Variants in MYSM1 observed in about 807,000 individuals in gnomAD.
MYSM1 encodes the protein Myb like, SWIRM and MPN domains 1.
In MYSM1, 51 loss-of-function variants were observed where a neutral mutation model predicts 116.0. The ratio of observed to expected loss-of-function variants is 0.44; its 90% CI spans 0.35 to 0.56. The LOEUF is 0.56. MYSM1 is among the 20% of genes least tolerant of loss of function. The probability of loss-of-function intolerance (pLI) is 0.00; values close to 1 mark genes in which losing one functional copy is unlikely to be tolerated. For synonymous variants in MYSM1, 313 were observed against 315.2 expected (o/e 0.99, Z 0.07); for missense variants, 900 against 974.9 (o/e 0.92, Z 1.02).
rs571503326 is a variant in MYSM1 at position 58,700,057 on chromosome 1, G to A, written c.-5C>T. 4 of 1,613,566 alleles carry A rather than the reference G, an allele frequency of 2.5e-6. No homozygotes were observed. Among genetic ancestry groups the A allele is most frequent in the East Asian group, 2.2e-5 (1 of 44,858 alleles). On this transcript the variant is annotated 5_prime_UTR_variant, in exon 1 of 20. Transcript: ENST00000472487. The stretch of plus-strand genomic sequence containing the variant: ...ATCCGCCTCTTCAGCCGCCATGATG[G>A]GACCTGACCCCGTCCGTCCTCCCGA...
intron 3 of MYSM1, among the ~76,000 whole-genome samples, chr1:58,691,422 T>C (rs1644904849): frequency 6.6e-6 from 1 of 152,242 alleles, no homozygotes; most frequent in Non-Finnish European, 1.5e-5. Context: ...AGAACAAAGA[T>C]ACTCTCATTA....
intron 12 of MYSM1, 55 bp downstream of exon 12, chr1:58,671,815 A>T: frequency 3.9e-6 from 5 of 1,282,832 alleles, no homozygotes; most frequent in Admixed American, 4.3e-5. Flanking sequence ...TTTTTCATAT[A>T]TTATCTAGCC....
chr1:58,693,131 A>G (rs1390764344), intron 2 of MYSM1, among the ~76,000 whole-genome samples, 200 bp from the exon 3 acceptor site: 2 of 152,214 alleles, frequency 1.3e-5, no homozygotes, highest in African/African-American at 4.8e-5. Flanking sequence ...CACTACTAGC[A>G]TTTTAAGTGG....
chr1:58,677,490 G>C (rs1342744304), intron 8 of MYSM1, among the ~76,000 whole-genome samples: 1 of 151,904 alleles, frequency 6.6e-6, no homozygotes, highest in Non-Finnish European at 1.5e-5. Flanking sequence ...TCAATTATCA[G>C]CTATCTTACA....
intron 8 of MYSM1, among the ~76,000 whole-genome samples, chr1:58,680,022 G>C (rs1462996517): frequency 8.8e-6 from 1 of 113,942 alleles, no homozygotes; most frequent in Non-Finnish European, 1.7e-5. Flanking sequence ...GTGAGACTCT[G>C]TCTCAAAAAA....
intron 1 of MYSM1, among the ~76,000 whole-genome samples, chr1:58,697,248 G>C (rs941146993): frequency 4.0e-5 from 5 of 123,566 alleles, no homozygotes; most frequent in Admixed American, 8.1e-5. Flanking sequence ...AGGGTACAGT[G>C]AAGAGATCTG....
In MYSM1 at chr1:58,658,885, A is replaced by G. The variant is rs1644352375; in HGVS notation, c.*1112T>C. On this transcript the variant is annotated 3_prime_UTR_variant, in exon 20 of 20. Transcript: ENST00000472487. ...AATTCTCTAGATCAAGGGTTGGAGA[A>G]TAATAGCCAACAGCCTATGTTTTAT... 1 of 145,016 alleles carries G rather than the reference A, an allele frequency of 6.9e-6. No individual in the cohort carries two copies. The highest frequency in any genetic ancestry group is 2.9e-5 in the African/African-American group (1 of 34,908). The allele number at this position is 145,016 out of a possible 1,614,324, so 9.0% of individuals were successfully genotyped here.
At chr1:58,694,840 TTTTTA>T (rs1308732945) in intron 2 of MYSM1, among the ~76,000 whole-genome samples, 1 of 152,040 alleles carries the variant, frequency 6.6e-6, no homozygotes, top group African/African-American at 2.4e-5. Context: ...ACCTACCACT[TTTTTA>T]GGTGTAAAGA....
chr1:58,670,932 G>A (rs1644550997), intron 12 of MYSM1, among the ~76,000 whole-genome samples: 1 of 152,148 alleles, frequency 6.6e-6, no homozygotes, highest in Non-Finnish European at 1.5e-5. Context: ...CACATTTAGA[G>A]TCAGAAAATC....
chr1:58,664,641 A>G (rs1644441565), intron 17 of MYSM1, among the ~76,000 whole-genome samples: 1 of 152,248 alleles, frequency 6.6e-6, no homozygotes, highest in Admixed American at 6.5e-5. Flanking sequence ...AGAGATCATT[A>G]AGAATGAAGA....
intron 5 of MYSM1, among the ~76,000 whole-genome samples, chr1:58,689,906 TGACA>T (rs1321093382): frequency 1.3e-5 from 2 of 152,208 alleles, no homozygotes; most frequent in East Asian, 3.8e-4. Context: ...GAAAATTAAC[TGACA>T]GAGTAAAAGA....
intron 16 of MYSM1, among the ~76,000 whole-genome samples, chr1:58,666,585 T>TC (rs936648951): frequency 1.1e-4 from 16 of 150,480 alleles, no homozygotes; most frequent in Non-Finnish European, 2.4e-4. Context: ...TCTTTTTTTT[T>TC]TTTTTGGCTG....
At chr1:58,688,919 G>C (rs1644865716) in intron 6 of MYSM1, 119 bp downstream of exon 6, 2 of 784,430 alleles carry the variant, frequency 2.5e-6, no homozygotes. Context: ...AGAACTAAAG[G>C]TGTTAAAACT....
At chr1:58,678,235 T>A (rs1644683316) in intron 8 of MYSM1, among the ~76,000 whole-genome samples, 1 of 152,154 alleles carries the variant, frequency 6.6e-6, no homozygotes, top group South Asian at 2.1e-4. Context: ...TAATTTGTGA[T>A]GTGGGAGGGT....
intron 17 of MYSM1, among the ~76,000 whole-genome samples, chr1:58,661,971 T>C (rs944325349): frequency 2.8e-4 from 24 of 85,016 alleles, no homozygotes; most frequent in African/African-American, 8.2e-4. Context: ...TAAGTTATTG[T>C]TTTTTTTTTA....
At chr1:58,687,293 A>T (rs1206409284) in intron 6 of MYSM1, among the ~76,000 whole-genome samples, 1 of 152,206 alleles carries the variant, frequency 6.6e-6, no homozygotes, top group Non-Finnish European at 1.5e-5. Flanking sequence ...TTATATATGG[A>T]CAAATATCTC....
chr1:58,690,091 A>G (rs373117178), intron 5 of MYSM1, 135 bp downstream of exon 5: 3 of 688,714 alleles, frequency 4.4e-6, no homozygotes, highest in Non-Finnish European at 7.0e-6. Flanking sequence ...CAACATCTTT[A>G]TTAAAAAAAC....
Position 58,661,285 on chromosome 1 carries a change from T to A in MYSM1, c.2271-58A>T, listed in dbSNP as rs79730007. The A allele has an allele frequency of 1.0e-3, 1,513 of 1,443,776 alleles. 9 individuals carry two copies. In the African/African-American group the frequency reaches 0.017, roughly 16 times the overall value. The allele number at this position is 1,443,776 out of a possible 1,614,324, so 89.4% of individuals were successfully genotyped here. A position where few individuals can be genotyped will look rare whatever the true frequency, so the allele number is the denominator to read the frequency against. On this transcript the variant is annotated intron_variant, in intron 18 of 19. Coordinates refer to ENST00000472487, the MANE Select transcript of MYSM1 (RefSeq NM_001085487.3). ...AACGAATACTATAAACTAATCAGTT[T>A]CATAATAAACTATCACGGATGCCAT... is the stretch of plus-strand genomic sequence containing the variant.
intron 3 of MYSM1, 144 bp downstream of exon 3, chr1:58,692,717 A>T: frequency 1.8e-6 from 1 of 549,180 alleles, no homozygotes; most frequent in South Asian, 3.2e-5. Context: ...TGCTTTTTGC[A>T]TACATAGGTA....
Sources: allele counts gnomAD v4.1 joint callset (sites outside exome capture counted in the v4.1 genomes callset), GRCh38; gene constraint gnomAD v4.1.1; transcripts MANE v1.5; gene names NCBI Gene and HGNC (gene_info 2026-07-23, HGNC 2026-07-21).